Variants in ADK observed in about 807,000 individuals in gnomAD.
ADK encodes the protein N6,N6-dimethyladenosine kinase.
In ADK, 24 loss-of-function variants were observed where a neutral mutation model predicts 44.7. That is an observed-to-expected ratio of 0.54 (90% confidence interval 0.39 to 0.76). The LOEUF (loss-of-function observed/expected upper bound fraction) is 0.76, where lower values mean the gene tolerates loss of function less well. Among genes scored for constraint, ADK ranks in the 30% least tolerant of loss-of-function variants. The pLI, the probability that ADK is intolerant of heterozygous loss-of-function variation, is 0.00. For missense variants in ADK, 321 were observed against 425.1 expected, an observed-to-expected ratio of 0.76 and a Z score of 2.15; for synonymous variants, 128 against 142.6, an observed-to-expected ratio of 0.90 and a Z score of 0.73.
At chr10:74,295,101 C>T (rs911601970) in intron 3 of ADK, among the ~76,000 whole-genome samples, 5 of 150,900 alleles carry the variant, frequency 3.3e-5, no homozygotes, top group South Asian at 2.2e-4. Context: ...AGGTGATCTG[C>T]GTGCCTCAGC....
intron 3 of ADK, among the ~76,000 whole-genome samples, chr10:74,234,281 A>G (rs1844882729): frequency 1.3e-5 from 2 of 152,234 alleles, no homozygotes; most frequent in African/African-American, 4.8e-5. Flanking sequence ...GAAGAAGGGC[A>G]TTGTTTTAAT....
intron 10 of ADK, among the ~76,000 whole-genome samples, chr10:74,703,726 G>A (rs992003658): frequency 1.8e-4 from 28 of 152,172 alleles, no homozygotes; most frequent in African/African-American, 6.5e-4. Flanking sequence ...CAGTGTTACT[G>A]AAGTTGATGT....
intron 7 of ADK, among the ~76,000 whole-genome samples, chr10:74,546,851 A>G (rs1360318387): frequency 6.6e-6 from 1 of 152,140 alleles, no homozygotes; most frequent in Non-Finnish European, 1.5e-5. Context: ...TCATCAAGGT[A>G]CCTTTAAGCG....
At chr10:74,399,790 G>A (rs1284996702) in intron 6 of ADK, among the ~76,000 whole-genome samples, 1 of 151,888 alleles carries the variant, frequency 6.6e-6, no homozygotes, top group Non-Finnish European at 1.5e-5. Context: ...TTAGAATTTG[G>A]CATAATTTAT....
At chr10:74,480,206 TTTTCTTTC>T (rs71024511) in intron 6 of ADK, among the ~76,000 whole-genome samples, 25 of 142,612 alleles carry the variant, frequency 1.8e-4, no homozygotes, top group Non-Finnish European at 3.2e-4. Flanking sequence ...GGCAGCCTAA[TTTTCTTTC>T]TTTCTTTCTT....
chr10:74,554,323 G>T (rs117028144), intron 7 of ADK, among the ~76,000 whole-genome samples: 3 of 152,084 alleles, frequency 2.0e-5, no homozygotes, highest in Non-Finnish European at 4.4e-5. Flanking sequence ...CCTCTGCAGA[G>T]CTAATGCTTA....
intron 3 of ADK, among the ~76,000 whole-genome samples, chr10:74,293,185 AAAAAAAAAG>A (rs1407042393): frequency 4.2e-4 from 63 of 151,432 alleles, no homozygotes; most frequent in Non-Finnish European, 8.3e-4. Context: ...AAAAAAAAAA[AAAAAAAAAG>A]GAAATATTAT....
chr10:74,470,743 T>G (rs1418567664), intron 6 of ADK, among the ~76,000 whole-genome samples: 1 of 152,050 alleles, frequency 6.6e-6, no homozygotes, highest in African/African-American at 2.4e-5. Context: ...AAGTTGCCTT[T>G]TTACTCTGTT....
chr10:74,319,115 C>A (rs950082451), intron 4 of ADK, among the ~76,000 whole-genome samples: 1 of 152,012 alleles, frequency 6.6e-6, no homozygotes, highest in Non-Finnish European at 1.5e-5. Context: ...AGAAGCATGC[C>A]TTTATTCTTT....
intron 4 of ADK, 77 bp from the exon 5 acceptor site, chr10:74,394,064 C>A: frequency 7.2e-7 from 1 of 1,394,534 alleles, no homozygotes; most frequent in Non-Finnish European, 1.0e-6. Context: ...CTTGTCACAT[C>A]ACTATCTGTG....
Position 74,493,413 on chromosome 10 carries a change from T to G in ADK, c.556-31843T>G, listed in dbSNP as rs183796816. On this transcript the variant is annotated intron_variant, in intron 6 of 10. Transcript: ENST00000539909. ...CACACATACATACATACACACATCT[T>G]TACATATATAGACCTCATCTATATA... is the stretch of plus-strand genomic sequence containing the variant. Among the ~76,000 whole-genome samples the G allele has an allele frequency of 2.4e-3, 354 of 150,266 alleles. 4 individuals are homozygous for G. The highest frequency in any genetic ancestry group is 8.5e-3 in the African/African-American group (341 of 40,272).
At chr10:74,518,999 C>A (rs1447944490) in intron 6 of ADK, among the ~76,000 whole-genome samples, 5 of 151,098 alleles carry the variant, frequency 3.3e-5, no homozygotes, top group African/African-American at 1.2e-4. Context: ...TGGTGCTATT[C>A]AATAGAAATA....
chr10:74,541,803 C>G (rs892821214), intron 7 of ADK, among the ~76,000 whole-genome samples: 1 of 138,930 alleles, frequency 7.2e-6, no homozygotes, highest in African/African-American at 2.7e-5. Context: ...CACCCCCCCC[C>G]CCTAAAAAAA....
intron 10 of ADK, among the ~76,000 whole-genome samples, chr10:74,693,302 A>G (rs1459210551): frequency 6.6e-6 from 1 of 152,176 alleles, no homozygotes; most frequent in Non-Finnish European, 1.5e-5. Flanking sequence ...ATTGTTTTGT[A>G]AACCTAAAAC....
intron 6 of ADK, among the ~76,000 whole-genome samples, chr10:74,469,023 T>C (rs898291930): frequency 7.2e-5 from 11 of 151,916 alleles, no homozygotes; most frequent in African/African-American, 2.7e-4. Context: ...AGACTTATGG[T>C]CAAAAATACA....
intron 3 of ADK, among the ~76,000 whole-genome samples, chr10:74,271,013 G>A (rs1012750788): frequency 9.8e-5 from 15 of 152,302 alleles, no homozygotes; most frequent in Middle Eastern, 3.4e-3. Context: ...GGAGAAAAAT[G>A]TCTTAATAGA....
intron 6 of ADK, among the ~76,000 whole-genome samples, chr10:74,422,757 CT>C (rs1174728824): frequency 2.6e-5 from 4 of 152,204 alleles, no homozygotes; most frequent in Non-Finnish European, 5.9e-5. Context: ...CCCACTCCCC[CT>C]TTACCTACCT....
At chr10:74,160,682 C>T (rs1308924594) in intron 1 of ADK, among the ~76,000 whole-genome samples, 1 of 143,736 alleles carries the variant, frequency 7.0e-6, no homozygotes, top group Non-Finnish European at 1.5e-5. Flanking sequence ...TGCGTGCATG[C>T]AGGTAGGGGT....
At chr10:74,413,648 A>G (rs1325213708) in intron 6 of ADK, among the ~76,000 whole-genome samples, 4 of 152,236 alleles carry the variant, frequency 2.6e-5, no homozygotes, top group Non-Finnish European at 4.4e-5. Context: ...CATGTCAGCA[A>G]TAAGCTTATT....
Sources: allele counts gnomAD v4.1 joint callset (sites outside exome capture counted in the v4.1 genomes callset), GRCh38; gene constraint gnomAD v4.1.1; transcripts MANE v1.5; gene names NCBI Gene and HGNC (gene_info 2026-07-23, HGNC 2026-07-21).